Variants in POLB observed in about 807,000 individuals in gnomAD.
POLB encodes DNA polymerase beta.
In POLB, 37 loss-of-function variants were observed where a neutral mutation model predicts 52.7. The ratio of observed to expected loss-of-function variants is 0.70; its 90% CI spans 0.54 to 0.92. POLB has a LOEUF of 0.92. Among genes scored for constraint, POLB ranks in the 40% least tolerant of loss-of-function variants. POLB has a pLI of 0.00. For missense variants in POLB, 313 were observed against 400.8 expected (o/e 0.78, Z 1.87); for synonymous variants, 138 against 131.3 (o/e 1.05, Z -0.35).
intron 13 of POLB, among the ~76,000 whole-genome samples, chr8:42,370,703 C>A (rs1050967407): frequency 6.6e-6 from 1 of 152,108 alleles, no homozygotes; most frequent in African/African-American, 2.4e-5. Flanking sequence ...GGTTACCAAT[C>A]TTTTAGCTTC....
intron 2 of POLB, among the ~76,000 whole-genome samples, chr8:42,340,486 C>T (rs760621993): frequency 1.3e-5 from 2 of 152,290 alleles, no homozygotes; most frequent in South Asian, 2.1e-4. Context: ...ATTATGTATA[C>T]GCAAATATTC....
intron 6 of POLB, among the ~76,000 whole-genome samples, chr8:42,354,131 TGTG>T (rs1208928344): frequency 6.6e-6 from 1 of 152,224 alleles, no homozygotes; most frequent in Non-Finnish European, 1.5e-5. Context: ...GATCTACTGT[TGTG>T]GTTTTTATAT....
chr8:42,371,619 C>T lies in POLB; in HGVS notation c.970C>T (p.Gln324Ter). The T allele has an allele frequency of 6.2e-7, 1 of 1,613,058 alleles. No homozygotes were observed. Among genetic ancestry groups the T allele is most frequent in the Non-Finnish European group, 8.5e-7 (1 of 1,179,114 alleles). The change falls in exon 14 of 14, where the codon CAG (glutamine) becomes TAG (stop). Residue 324 changes from glutamine (Q) to a stop codon, truncating the protein, a stop_gained. Coordinates refer to ENST00000265421, the MANE Select transcript of POLB (RefSeq NM_002690.3). LOFTEE classifies it high-confidence loss of function. The part of the protein sequence containing the change: ...DSEKDIFDYI[Q>*]WKYREPKDRS... ...TGAAAAAGACATCTTTGATTACATC[C>T]AGTGGAAATACCGGGAACCCAAGGA...
intron 7 of POLB, 144 bp downstream of exon 7, chr8:42,355,711 T>TAC: frequency 1.7e-6 from 1 of 591,136 alleles, no homozygotes; most frequent in Non-Finnish European, 3.1e-6. Context: ...TGTGGACTCT[T>TAC]ACAGAGTATC....
intron 11 of POLB, 178 bp from the exon 12 acceptor site, chr8:42,369,093 G>A (rs999550422): frequency 1.4e-5 from 6 of 431,536 alleles, no homozygotes; most frequent in African/African-American, 4.1e-5. Flanking sequence ...TCTAATTATC[G>A]TGAAGTGTAA....
At chr8:42,366,327 T>C (rs2130853496) in intron 11 of POLB, among the ~76,000 whole-genome samples, 1 of 152,262 alleles carries the variant, frequency 6.6e-6, no homozygotes, top group South Asian at 2.1e-4. Context: ...TCTACTGGTA[T>C]TGCCAGGAAA....
chr8:42,345,041 A>T, intron 3 of POLB, 22 bp downstream of exon 3: 2 of 1,557,646 alleles, frequency 1.3e-6, no homozygotes, highest in Non-Finnish European at 1.8e-6. Flanking sequence ...TAGCATGTTG[A>T]TCGAAGAGTT....
Position 42,360,322 on chromosome 8 carries a change from T to A in POLB, c.551-973T>A, listed in dbSNP as rs552149580. 8.7e-4 allele frequency among the ~76,000 whole-genome samples: 132 copies of A among 152,236 alleles called. 1 individual carries two copies. Among genetic ancestry groups the A allele is most frequent in the African/African-American group, 3.1e-3 (127 of 41,546 alleles). ...GCTCATGCTTGTAATCCCAGCACTT[T>A]GGGAGGCTGAAGTGGGAGGATCGCA... On this transcript the variant is annotated intron_variant, in intron 9 of 13. Coordinates refer to ENST00000265421, the MANE Select transcript of POLB (RefSeq NM_002690.3).
Position 42,362,266 on chromosome 8 carries a change from AAT to A in POLB, c.622-344_622-343del, listed in dbSNP as rs1297814895. ...AGAACGAGACTCCATCTAAAAATAAAATAAAATAAAATAAAATAAAATAAAAT... is the reference window on the plus strand; with the variant it reads ...AGAACGAGACTCCATCTAAAAATAAAAAAATAAAATAAAATAAAATAAAAT... On this transcript the variant is annotated intron_variant, in intron 10 of 13. Coordinates refer to ENST00000265421, the MANE Select transcript of POLB (RefSeq NM_002690.3). Among the ~76,000 whole-genome samples the A allele has an allele frequency of 2.0e-4, 17 of 87,030 alleles. 2 individuals are homozygous for A. The African/African-American group carries it at 3.2e-3, about 16-fold the overall frequency. The allele number at this position is 87,030 out of a possible 152,430, so 57.1% of individuals were successfully genotyped here. A position where few individuals can be genotyped will look rare whatever the true frequency, so the allele number is the denominator to read the frequency against.
At chr8:42,353,175 T>C (rs1823083241) in intron 6 of POLB, among the ~76,000 whole-genome samples, 1 of 141,278 alleles carries the variant, frequency 7.1e-6, no homozygotes, top group African/African-American at 2.5e-5. Context: ...CCTTTATTTC[T>C]TTTTTTTTTT....
At chr8:42,345,240 T>C (rs1822537036) in intron 3 of POLB, among the ~76,000 whole-genome samples, 1 of 152,234 alleles carries the variant, frequency 6.6e-6, no homozygotes, top group African/African-American at 2.4e-5. Flanking sequence ...TAAAAATATA[T>C]GTAATTACAG....
intron 6 of POLB, 79 bp downstream of exon 6, chr8:42,352,647 TG>T: frequency 2.4e-6 from 2 of 847,526 alleles, no homozygotes; most frequent in Non-Finnish European, 2.0e-6. Context: ...AACTTCAACT[TG>T]AAAAACCCAT....
chr8:42,357,172 T>C lies in POLB; in HGVS notation c.426T>C (p.Tyr142=). ...LNHHQRIGLK[Y]FGDFEKRIPR... is the part of the protein sequence containing the mutation. ...TCTACTTATTCTGTCTTTATAGATATTTTGGGGACTTTGAAAAAAGAATTC... is the reference window on the plus strand; with the variant it reads ...TCTACTTATTCTGTCTTTATAGATACTTTGGGGACTTTGAAAAAAGAATTC... Residue 142 remains tyrosine (Y), a synonymous_variant, in exon 8 of 14, where the codon TAT becomes TAC. Transcript: ENST00000265421. 6.6e-7 allele frequency: 1 copy of C among 1,513,978 alleles called. No individual in the cohort carries two copies. Among genetic ancestry groups the C allele is most frequent in the Non-Finnish European group, 9.2e-7 (1 of 1,090,908 alleles). 93.8% of individuals were successfully genotyped at this position (1,513,978 alleles called of 1,614,324 possible).
chr8:42,371,672 C>G lies in POLB; in HGVS notation c.*15C>G. 2 of 1,445,604 alleles carry G rather than the reference C, an allele frequency of 1.4e-6. No homozygotes were observed. Among genetic ancestry groups the G allele is most frequent in the Non-Finnish European group, 1.9e-6 (2 of 1,026,564 alleles). 89.5% of individuals were successfully genotyped at this position (1,445,604 alleles called of 1,614,324 possible). On this transcript the variant is annotated 3_prime_UTR_variant, in exon 14 of 14. Transcript: ENST00000265421. The stretch of plus-strand genomic sequence containing the variant: ...GGAGCGAATGAGGCCTGTATCCTCC[C>G]TGGCAGACACAACCCAATAGGAGTC...
Position 42,357,260 on chromosome 8 carries a change from G to C in POLB, c.477+37G>C. The C allele has an allele frequency of 4.9e-6, 7 of 1,437,068 alleles. No individual in the cohort carries two copies. The South Asian group carries it at 8.1e-5, about 17-fold the overall frequency. 89.0% of individuals were successfully genotyped at this position (1,437,068 alleles called of 1,614,324 possible). The stretch of plus-strand genomic sequence containing the variant: ...CAAATTATATTCTTTGATTAGAATT[G>C]AGAGTGTCACTTGGTGAAAAGCCAT... On this transcript the variant is annotated intron_variant, in intron 8 of 13. Transcript: ENST00000265421.
intron 5 of POLB, among the ~76,000 whole-genome samples, chr8:42,350,511 A>C (rs779911562): frequency 2.0e-5 from 3 of 152,092 alleles, no homozygotes; most frequent in Non-Finnish European, 4.4e-5. Context: ...TCCTGGGCTT[A>C]AGTGATTCTT....
intron 11 of POLB, among the ~76,000 whole-genome samples, chr8:42,368,533 T>C (rs1314770589): frequency 2.6e-5 from 4 of 152,218 alleles, no homozygotes; most frequent in African/African-American, 9.6e-5. Context: ...TGCTTATATC[T>C]TGTTTTACAT....
intron 4 of POLB, among the ~76,000 whole-genome samples, chr8:42,349,728 T>C (rs1464331516): frequency 6.6e-6 from 1 of 152,206 alleles, no homozygotes; most frequent in African/African-American, 2.4e-5. Flanking sequence ...CCAAGCATTT[T>C]TATGGTTTTA....
At chr8:42,361,574 A>G in intron 10 of POLB, 1 of 542,170 alleles carries the variant, frequency 1.8e-6, no homozygotes, top group South Asian at 2.3e-5. Context: ...GGACAGTCTA[A>G]CATTTGAAAG....
Sources: allele counts gnomAD v4.1 joint callset (sites outside exome capture counted in the v4.1 genomes callset), GRCh38; gene constraint gnomAD v4.1.1; transcripts MANE v1.5; gene names NCBI Gene and HGNC (gene_info 2026-07-23, HGNC 2026-07-21).